C19orf18: variants seen among roughly 807,000 people sequenced by gnomAD.
C19orf18 encodes chromosome 19 open reading frame 18.
Under a neutral mutation model 23.3 loss-of-function variants are expected in C19orf18, and 21 were observed. The ratio of observed to expected loss-of-function variants is 0.90; its 90% confidence interval spans 0.64 to 1.30. The LOEUF is 1.30. Ranked by LOEUF, C19orf18 falls within the 50% of genes most tolerant of loss-of-function variation. The probability of loss-of-function intolerance (pLI) is 0.00; values close to 1 mark genes in which losing one functional copy is unlikely to be tolerated. For missense variants in C19orf18, 249 were observed against 259.6 expected (o/e 0.96, Z 0.28); for synonymous variants, 96 against 95.2 (o/e 1.01, Z -0.05).
intron 3 of C19orf18, among the ~76,000 whole-genome samples, chr19:57,967,532 C>T (rs1194438520): frequency 3.3e-5 from 5 of 151,670 alleles, no homozygotes; most frequent in Non-Finnish European, 7.4e-5. Context: ...GTGGGCAGAT[C>T]ACGTGAGCTC....
chr19:57,961,403 A>G lies in C19orf18; in HGVS notation c.520T>C (p.Phe174Leu), dbSNP rs1234700263. 3 of 1,613,410 alleles carry G rather than the reference A, an allele frequency of 1.9e-6. No homozygotes were observed. In the Admixed American group the frequency reaches 5.0e-5, roughly 27 times the overall value. ...LPENENELEKFIHSVIISKRS... is the reference protein window; with the variant it reads ...LPENENELEKLIHSVIISKRS... ...CAGGTCACACTACCTGAGTGGATGAACTTTTCCAGCTCATTTTCGTTCTCT... is the reference window on the plus strand; with the variant it reads ...CAGGTCACACTACCTGAGTGGATGAGCTTTTCCAGCTCATTTTCGTTCTCT... Residue 174 changes from phenylalanine to leucine, a missense_variant, in exon 5 of 6, where the codon TTC becomes CTC. Coordinates refer to ENST00000314391, the MANE Select transcript of C19orf18 (RefSeq NM_152474.5).
chr19:57,966,755 C>T (rs2072911195), intron 3 of C19orf18, 123 bp from the exon 4 acceptor site: 1 of 629,894 alleles, frequency 1.6e-6, no homozygotes. Flanking sequence ...TCAAAAATAG[C>T]TTGTTTTGTT....
At chr19:57,963,419 C>A (rs1236817555) in intron 4 of C19orf18, among the ~76,000 whole-genome samples, 1 of 152,028 alleles carries the variant, frequency 6.6e-6, no homozygotes, top group East Asian at 1.9e-4. Flanking sequence ...GAGATAGGAT[C>A]CAAACAGTGC....
chr19:57,965,543 C>CGA (rs2123224287), intron 4 of C19orf18, among the ~76,000 whole-genome samples: 1 of 152,248 alleles, frequency 6.6e-6, no homozygotes, highest in African/African-American at 2.4e-5. Flanking sequence ...GTCTGGAGTT[C>CGA]GAGACCAGCC....
At chr19:57,968,851 T>C (rs1182525337) in intron 3 of C19orf18, among the ~76,000 whole-genome samples, 1 of 151,998 alleles carries the variant, frequency 6.6e-6, no homozygotes, top group Non-Finnish European at 1.5e-5. Context: ...ATCTTTGAAA[T>C]ACAAACCAAC....
At chr19:57,963,643 T>C (rs2072888214) in intron 4 of C19orf18, among the ~76,000 whole-genome samples, 1 of 152,118 alleles carries the variant, frequency 6.6e-6, no homozygotes. Flanking sequence ...ATCCCAGCAC[T>C]TTGGGAGTCC....
chr19:57,969,566 G>GAAAAAAAAAAAAAAAAAAAAA (rs59100128), intron 3 of C19orf18, among the ~76,000 whole-genome samples: 16 of 46,502 alleles, frequency 3.4e-4, no homozygotes, highest in African/African-American at 5.7e-4. Flanking sequence ...AAAAAAAACA[G>GAAAAAAAAAAAAAAAAAAAAA]AAAAAAAAAA....
At chr19:57,973,968 A>G in intron 2 of C19orf18, 131 bp downstream of exon 2, 1 of 852,298 alleles carries the variant, frequency 1.2e-6, no homozygotes. Flanking sequence ...TTTCCAAGCA[A>G]ATGTTTATCT....
At position 57,961,433 on chromosome 19, in the gene C19orf18, G is replaced by A. The variant is rs1423562485; in HGVS notation, c.490C>T (p.Leu164Phe). The change falls in exon 5 of 6, where the codon CTT (leucine) becomes TTT (phenylalanine). Residue 164 changes from leucine (L) to phenylalanine (F), a missense_variant. Coordinates refer to ENST00000314391, the MANE Select transcript of C19orf18 (RefSeq NM_152474.5). ...SEDEGESTHL[L>F]PENENELEKF... ...TCCAGCTCATTTTCGTTCTCTGGAA[G>A]TAGGTGCGTGGACTCACCCTCGTCC... 1 of 1,614,040 alleles carries A rather than the reference G, an allele frequency of 6.2e-7. No individual in the cohort carries two copies. Among genetic ancestry groups the A allele is most frequent in the Admixed American group, 1.7e-5 (1 of 59,970 alleles).
At chr19:57,972,021 T>A (rs2072948465) in intron 3 of C19orf18, among the ~76,000 whole-genome samples, 1 of 152,128 alleles carries the variant, frequency 6.6e-6, no homozygotes, top group African/African-American at 2.4e-5. Context: ...TGCAGGCACT[T>A]AGCAAATGTG....
intron 3 of C19orf18, among the ~76,000 whole-genome samples, chr19:57,969,844 G>A (rs546184575): frequency 1.3e-5 from 2 of 148,308 alleles, no homozygotes; most frequent in South Asian, 4.3e-4. Context: ...TACACTCCAG[G>A]CTGGGCGACA....
intron 4 of C19orf18, among the ~76,000 whole-genome samples, chr19:57,964,063 TTTTG>T (rs1324042311): frequency 1.1e-4 from 16 of 152,104 alleles, no homozygotes; most frequent in African/African-American, 3.9e-4. Flanking sequence ...GAACAGGTGG[TTTTG>T]TTTTTTTTGT....
At chr19:57,972,954 C>T (rs1306996103) in intron 2 of C19orf18, among the ~76,000 whole-genome samples, 1 of 151,754 alleles carries the variant, frequency 6.6e-6, no homozygotes, top group Non-Finnish European at 1.5e-5. Context: ...TCGAGACCAG[C>T]CTGACCAACA....
intron 2 of C19orf18, among the ~76,000 whole-genome samples, chr19:57,973,145 CAAAAAAAAAAAAAAAAAAAAAAAAA>C (rs61625681): frequency 8.3e-4 from 20 of 24,186 alleles, no homozygotes; most frequent in Admixed American, 2.4e-3. Context: ...GACTCCGTCT[CAAAAAAAAAAAAAAAAAAAAAAAAA>C]AAAAAAAAAA....
Position 57,974,353 on chromosome 19 carries a change from G to C in C19orf18, c.80C>G (p.Ala27Gly). The C allele has an allele frequency of 6.2e-7, 1 of 1,614,060 alleles. No homozygotes were observed. Among genetic ancestry groups the C allele is most frequent in the Non-Finnish European group, 8.5e-7 (1 of 1,179,994 alleles). The stretch of plus-strand genomic sequence containing the variant: ...GTTTCCAGTGGGATGGAGTCCATCT[G>C]CATACGGCAAGCATAAATGAAGTTG... ...ECQLHLCLPY[A>G]DGLHPTGNIT... Residue 27 changes from alanine (A) to glycine (G), a missense_variant, in exon 1 of 6, where the codon GCA becomes GGA. Physicochemically the swap from Ala to Gly is moderately conservative, Grantham distance 60 (BLOSUM62 0). Coordinates refer to ENST00000314391, the MANE Select transcript of C19orf18 (RefSeq NM_152474.5).
intron 3 of C19orf18, among the ~76,000 whole-genome samples, chr19:57,970,337 G>A (rs960441723): frequency 3.3e-5 from 5 of 152,066 alleles, no homozygotes; most frequent in Non-Finnish European, 1.5e-5. Flanking sequence ...TTATGCACTC[G>A]TCTCATATGG....
chr19:57,974,415 A>C lies in C19orf18; in HGVS notation c.18T>G (p.Ser6Arg). Residue 6 changes from serine (S) to arginine (R), a missense_variant, in exon 1 of 6, where the codon AGT becomes AGG. Coordinates refer to ENST00000314391, the MANE Select transcript of C19orf18 (RefSeq NM_152474.5). MDKVQ[S>R]GFLILFLFLM... Reference sequence around the variant, plus strand: ...AAAACAAAAACAAAATGAGGAAACCACTCTGAACCTTGTCCATCACTCTCA... The same window carrying C: ...AAAACAAAAACAAAATGAGGAAACCCCTCTGAACCTTGTCCATCACTCTCA... The C allele has an allele frequency of 6.2e-7, 1 of 1,613,780 alleles. No individual in the cohort carries two copies. The highest frequency in any genetic ancestry group is 8.5e-7 in the Non-Finnish European group (1 of 1,179,938).
At chr19:57,964,022 C>G (rs1381453536) in intron 4 of C19orf18, among the ~76,000 whole-genome samples, 2 of 152,112 alleles carry the variant, frequency 1.3e-5, no homozygotes, top group Non-Finnish European at 2.9e-5. Context: ...AAAAAATGAA[C>G]CACTAAAAAT....
chr19:57,973,374 T>A (rs1263911430), intron 2 of C19orf18, among the ~76,000 whole-genome samples: 1 of 151,834 alleles, frequency 6.6e-6, no homozygotes, highest in Non-Finnish European at 1.5e-5. Context: ...TTTGCTGTTA[T>A]AAGATAAACA....
Sources: allele counts gnomAD v4.1 joint callset (sites outside exome capture counted in the v4.1 genomes callset), GRCh38; gene constraint gnomAD v4.1.1; transcripts MANE v1.5; gene names NCBI Gene and HGNC (gene_info 2026-07-23, HGNC 2026-07-21).